TENM4: variants seen among roughly 807,000 people sequenced by gnomAD.
TENM4 encodes the protein teneurin-4.
TENM4 carries 82 observed loss-of-function variants against 243.3 expected under a neutral mutation model. The observed-to-expected ratio is 0.34, with a 90% CI of 0.28 to 0.40. The LOEUF (loss-of-function observed/expected upper bound fraction) is 0.40, where lower values mean the gene tolerates loss of function less well. Among genes scored for constraint, TENM4 ranks in the 10% least tolerant of loss-of-function variants. TENM4 has a pLI of 1.00. For missense variants in TENM4, 3,138 were observed against 3,673.3 expected (o/e 0.85, Z 3.77); for synonymous variants, 1,412 against 1,456.3 (o/e 0.97, Z 0.69).
Position 79,123,786 on chromosome 11 carries a change from G to A in TENM4, c.-66+24924C>T, listed in dbSNP as rs145903583. Among the ~76,000 whole-genome samples, 33 of 152,168 alleles carry A rather than the reference G, an allele frequency of 2.2e-4. No homozygotes were observed. The East Asian group carries it at 2.7e-3, about 13-fold the overall frequency. The stretch of plus-strand genomic sequence containing the variant: ...TCTCTAGGATGAACTGAAGAACAGA[G>A]GGGTTTGAATAAACACGCAAAAGGG... On this transcript the variant is annotated intron_variant, in intron 4 of 33. Coordinates refer to ENST00000278550, the MANE Select transcript of TENM4 (RefSeq NM_001098816.3).
intron 2 of TENM4, among the ~76,000 whole-genome samples, chr11:79,296,030 A>ATGGTC (rs1276733068): frequency 6.6e-6 from 1 of 152,094 alleles, no homozygotes; most frequent in Non-Finnish European, 1.5e-5. Context: ...TACATCAACC[A>ATGGTC]TGGTCATAAT....
At chr11:79,121,395 G>A (rs1199186580) in intron 4 of TENM4, among the ~76,000 whole-genome samples, 3 of 152,154 alleles carry the variant, frequency 2.0e-5, no homozygotes, top group African/African-American at 7.2e-5. Flanking sequence ...TTCTTTTCCT[G>A]GGTTGTTGCT....
At chr11:79,104,483 T>C (rs1861313365) in intron 4 of TENM4, among the ~76,000 whole-genome samples, 1 of 152,174 alleles carries the variant, frequency 6.6e-6, no homozygotes, top group Non-Finnish European at 1.5e-5. Context: ...CTAATCTGCT[T>C]CCCCACCTCA....
intron 3 of TENM4, among the ~76,000 whole-genome samples, chr11:79,150,428 A>T (rs543740844): frequency 6.6e-6 from 1 of 152,026 alleles, no homozygotes; most frequent in Non-Finnish European, 1.5e-5. Flanking sequence ...AAATTTCTTC[A>T]TCTAGCAAAC....
intron 19 of TENM4, among the ~76,000 whole-genome samples, chr11:78,739,138 C>G (rs76628240): frequency 0.022 from 3,309 of 152,268 alleles, 112 homozygotes; most frequent in African/African-American, 0.075. Flanking sequence ...AGGACAGATG[C>G]TAGCATGCTC....
rs1193150250 is a variant in TENM4 at position 78,670,388 on chromosome 11, G to A, written c.5957C>T (p.Ala1986Val). The A allele has an allele frequency of 1.2e-6, 2 of 1,613,938 alleles. No homozygotes were observed. The highest frequency in any genetic ancestry group is 2.2e-5 in the East Asian group (1 of 44,864). ...RNIYQPPEGN[A>V]SVIQDFTEDG... ...CTCAGTGAAGTCCTGTATGACTGAG[G>A]CATTGCCCTCAGGGGGCTGATAGAT... Residue 1986 changes from alanine to valine, a missense_variant, in exon 32 of 34, where the codon GCC (alanine) becomes GTC (valine). Physicochemically the swap from Ala to Val is moderately conservative, Grantham distance 64. This residue lies in a region of TENM4 where 2,467 missense variants were observed against 3,059.1 expected (regional missense o/e 0.81). Transcript: ENST00000278550.
chr11:79,167,250 A>G (rs1862934961), intron 3 of TENM4, among the ~76,000 whole-genome samples: 1 of 152,206 alleles, frequency 6.6e-6, no homozygotes, highest in Admixed American at 6.5e-5. Flanking sequence ...CACAGTGGGA[A>G]GAAGGGAGAA....
At chr11:78,791,880 T>A (rs749874175) in intron 15 of TENM4, among the ~76,000 whole-genome samples, 17 of 152,182 alleles carry the variant, frequency 1.1e-4, no homozygotes, top group Non-Finnish European at 2.4e-4. Context: ...ATGACCAACA[T>A]CAGAGCTTTC....
At chr11:79,220,367 G>T (rs192955808) in intron 2 of TENM4, among the ~76,000 whole-genome samples, 2 of 152,364 alleles carry the variant, frequency 1.3e-5, no homozygotes, top group Non-Finnish European at 2.9e-5. Flanking sequence ...GTGGCAAGAG[G>T]TGGAGCTTTG....
intron 14 of TENM4, among the ~76,000 whole-genome samples, chr11:78,811,010 C>T (rs1400365609): frequency 2.0e-5 from 3 of 152,168 alleles, no homozygotes; most frequent in Non-Finnish European, 2.9e-5. Flanking sequence ...CTTCAATTGT[C>T]CCCAGAATAA....
At chr11:79,078,101 C>T (rs980376985) in intron 4 of TENM4, among the ~76,000 whole-genome samples, 3 of 152,140 alleles carry the variant, frequency 2.0e-5, no homozygotes, top group Admixed American at 6.5e-5. Context: ...CAGTACAGTG[C>T]TCGAAAAAAC....
At chr11:79,193,854 T>C (rs764491119) in intron 3 of TENM4, among the ~76,000 whole-genome samples, 7 of 152,066 alleles carry the variant, frequency 4.6e-5, no homozygotes, top group Non-Finnish European at 1.0e-4. Context: ...AGGAGGGGTA[T>C]GAAGGATGGG....
chr11:78,742,733 G>T (rs535835598), intron 19 of TENM4, among the ~76,000 whole-genome samples: 1 of 152,278 alleles, frequency 6.6e-6, no homozygotes, highest in South Asian at 2.1e-4. Flanking sequence ...CAAGGGAAAA[G>T]ATCTGCCTGA....
intron 6 of TENM4, among the ~76,000 whole-genome samples, chr11:78,928,852 A>G (rs1856608616): frequency 6.6e-6 from 1 of 152,222 alleles, no homozygotes; most frequent in African/African-American, 2.4e-5. Flanking sequence ...CACTTTTCTC[A>G]TCTGTAAAAG....
At chr11:79,081,858 G>A (rs1307151724) in intron 4 of TENM4, among the ~76,000 whole-genome samples, 2 of 151,974 alleles carry the variant, frequency 1.3e-5, no homozygotes, top group East Asian at 1.9e-4. Flanking sequence ...CCCTCAACTC[G>A]TGATGACTGA....
At chr11:79,138,778 CATT>C (rs560630340) in intron 4 of TENM4, among the ~76,000 whole-genome samples, 5 of 110,178 alleles carry the variant, frequency 4.5e-5, no homozygotes, top group South Asian at 2.6e-4. Flanking sequence ...ATAAAACATA[CATT>C]ATATTTATAT....
At chr11:78,966,608 G>A (rs1381780561) in intron 6 of TENM4, among the ~76,000 whole-genome samples, 1 of 151,688 alleles carries the variant, frequency 6.6e-6, no homozygotes, top group East Asian at 1.9e-4. Flanking sequence ...CCCAGTGCAA[G>A]GAGCTGGGGG....
chr11:79,065,090 C>G (rs1474499555), intron 5 of TENM4, 83 bp from the exon 6 acceptor site: 3 of 1,417,200 alleles, frequency 2.1e-6, no homozygotes, highest in Non-Finnish European at 2.8e-6. Context: ...GCCTTCTTAC[C>G]CCAGGGCTCA....
chr11:78,785,349 G>C (rs546505870), intron 16 of TENM4, among the ~76,000 whole-genome samples: 2 of 152,296 alleles, frequency 1.3e-5, no homozygotes, highest in South Asian at 2.1e-4. Context: ...GAGGGTGGAG[G>C]CTGGGCAGAT....
Sources: allele counts gnomAD v4.1 joint callset (sites outside exome capture counted in the v4.1 genomes callset), GRCh38; gene constraint gnomAD v4.1.1; regional missense constraint gnomAD v4.1.1; transcripts MANE v1.5; gene names NCBI Gene and HGNC (gene_info 2026-07-23, HGNC 2026-07-21).